LYPLAL1: variants seen among roughly 807,000 people sequenced by gnomAD.
LYPLAL1 encodes the protein lysophospholipase like 1, also known as lysophospholipase-like protein 1.
In LYPLAL1, 23 loss-of-function variants were observed where a neutral mutation model predicts 19.7. That is an observed-to-expected ratio of 1.17 (90% CI 0.84 to 1.65). The LOEUF is 1.65. Among genes scored for constraint, LYPLAL1 ranks in the 40% most tolerant of loss-of-function variants. LYPLAL1 has a pLI of 0.00. For missense variants in LYPLAL1, 355 were observed against 279.4 expected, an observed-to-expected ratio of 1.27 and a Z score of -1.93; for synonymous variants, 119 against 96.3, an observed-to-expected ratio of 1.24 and a Z score of -1.38.
chr1:219,375,296 G>A, the LYPLAL1 span, among the ~76,000 whole-genome samples: 5 of 151,884 alleles, frequency 3.3e-5, no homozygotes, highest in Admixed American at 6.5e-5. Flanking sequence ...GAGAAACCCC[G>A]TCTCTACTAA....
the LYPLAL1 span, among the ~76,000 whole-genome samples, chr1:219,288,960 T>G: frequency 6.6e-6 from 1 of 152,162 alleles, no homozygotes; most frequent in South Asian, 2.1e-4. Context: ...TTAAATCGTC[T>G]TGCTCGAATT....
the LYPLAL1 span, among the ~76,000 whole-genome samples, chr1:219,341,223 A>G: frequency 6.6e-6 from 1 of 152,118 alleles, no homozygotes; most frequent in African/African-American, 2.4e-5. Flanking sequence ...TGTCTGATAT[A>G]TGTTTCACTA....
the LYPLAL1 span, among the ~76,000 whole-genome samples, chr1:219,441,726 G>A: frequency 2.0e-5 from 3 of 152,148 alleles, no homozygotes; most frequent in East Asian, 3.9e-4. Context: ...ATAGCAGAGC[G>A]AGAGACAGAG....
intron 2 of LYPLAL1, among the ~76,000 whole-genome samples, chr1:219,187,369 T>A (rs1007116567): frequency 1.3e-5 from 2 of 151,648 alleles, no homozygotes; most frequent in Non-Finnish European, 3.0e-5. Flanking sequence ...AGCAATTAGT[T>A]TGCTGTGTTG....
At chr1:219,333,498 TC>T in the LYPLAL1 span, among the ~76,000 whole-genome samples, 1 of 152,018 alleles carries the variant, frequency 6.6e-6, no homozygotes, top group Non-Finnish European at 1.5e-5. Flanking sequence ...TCACCAATGC[TC>T]CCGATCTCAA....
the LYPLAL1 span, among the ~76,000 whole-genome samples, chr1:219,348,681 T>C: frequency 6.6e-6 from 1 of 152,200 alleles, no homozygotes; most frequent in African/African-American, 2.4e-5. Flanking sequence ...GCCAGCTGTC[T>C]AGCAAATGTT....
At chr1:219,417,452 A>C in the LYPLAL1 span, among the ~76,000 whole-genome samples, 1 of 152,134 alleles carries the variant, frequency 6.6e-6, no homozygotes, top group Non-Finnish European at 1.5e-5. Flanking sequence ...TAAAATTGAG[A>C]TCTTTGAGGG....
At chr1:219,231,204 A>G in the LYPLAL1 span, among the ~76,000 whole-genome samples, 5 of 152,210 alleles carry the variant, frequency 3.3e-5, no homozygotes, top group Non-Finnish European at 5.9e-5. Flanking sequence ...CGTGTGGGTG[A>G]ATACCTTGCA....
chr1:219,221,821 C>G, the LYPLAL1 span, among the ~76,000 whole-genome samples: 1 of 152,144 alleles, frequency 6.6e-6, no homozygotes, highest in South Asian at 2.1e-4. Flanking sequence ...TTGGTACTTG[C>G]AAGCATTCAC....
the LYPLAL1 span, among the ~76,000 whole-genome samples, chr1:219,260,051 G>C: frequency 6.6e-6 from 1 of 151,752 alleles, no homozygotes. Context: ...CAAGACAAGG[G>C]TAAATTAGTA....
chr1:219,278,885 C>T, the LYPLAL1 span, among the ~76,000 whole-genome samples: 1 of 152,152 alleles, frequency 6.6e-6, no homozygotes, highest in Non-Finnish European at 1.5e-5. Context: ...GTCCTCTACC[C>T]TCTAGATGCT....
At chr1:219,353,042 A>G in the LYPLAL1 span, among the ~76,000 whole-genome samples, 398 of 152,350 alleles carry the variant, frequency 2.6e-3, 2 homozygotes, top group African/African-American at 9.0e-3. Flanking sequence ...ACCGGACTAA[A>G]TTATGAGACA....
At chr1:219,270,745 G>C in the LYPLAL1 span, 1 of 152,292 alleles carries the variant, frequency 6.6e-6, no homozygotes, top group South Asian at 2.1e-4. Flanking sequence ...GCTGCTCTTT[G>C]TTAGAAAAGA....
the LYPLAL1 span, among the ~76,000 whole-genome samples, chr1:219,337,279 G>A: frequency 6.6e-6 from 1 of 151,918 alleles, no homozygotes; most frequent in Non-Finnish European, 1.5e-5. Flanking sequence ...TTATGACACA[G>A]ACATCTTTTG....
At chr1:219,423,731 A>G in the LYPLAL1 span, among the ~76,000 whole-genome samples, 1 of 152,184 alleles carries the variant, frequency 6.6e-6, no homozygotes, top group Non-Finnish European at 1.5e-5. Context: ...AAAGCATGTT[A>G]CAAATGAAAA....
At chr1:219,352,512 G>A in the LYPLAL1 span, among the ~76,000 whole-genome samples, 6 of 152,016 alleles carry the variant, frequency 3.9e-5, no homozygotes, top group Non-Finnish European at 7.4e-5. Flanking sequence ...AGGAGACTCC[G>A]TCTCAAATAA....
the LYPLAL1 span, among the ~76,000 whole-genome samples, chr1:219,315,736 C>T: frequency 6.6e-6 from 1 of 152,070 alleles, no homozygotes; most frequent in Non-Finnish European, 1.5e-5. Flanking sequence ...ATAAATACTA[C>T]AAAAATATCA....
At chr1:219,180,283 G>A (rs1656169261) in intron 2 of LYPLAL1, among the ~76,000 whole-genome samples, 1 of 152,158 alleles carries the variant, frequency 6.6e-6, no homozygotes, top group African/African-American at 2.4e-5. Context: ...ACTGCACCTG[G>A]CCTGTTCTTG....
intron 1 of LYPLAL1, among the ~76,000 whole-genome samples, chr1:219,175,416 A>G (rs1056445472): frequency 5.3e-5 from 8 of 152,300 alleles, no homozygotes; most frequent in Admixed American, 2.0e-4. Context: ...TTCATTTATA[A>G]GTACCCAGAA....
Sources: gnomAD v4.1 joint callset for allele counts (sites outside exome capture counted in the v4.1 genomes callset) on GRCh38, gnomAD v4.1.1 for gene constraint, MANE v1.5 for transcripts, NCBI Gene and HGNC (gene_info 2026-07-23, HGNC 2026-07-21) for gene names.